The following PCDHA2 variants were observed in gnomAD, a reference collection of about 807,000 sequenced individuals.
The protein encoded by PCDHA2 is protocadherin alpha 2, also known as protocadherin alpha-2.
A neutral mutation model predicts 66.0 loss-of-function variants in PCDHA2; 58 were observed. That is an observed-to-expected ratio of 0.88 (90% CI 0.71 to 1.09). The LOEUF (loss-of-function observed/expected upper bound fraction) is 1.09, where lower values mean the gene tolerates loss of function less well. PCDHA2 is among the 50% of genes least tolerant of loss of function. The pLI, the probability that PCDHA2 is intolerant of heterozygous loss-of-function variation, is 0.00. For synonymous variants in PCDHA2, 634 were observed against 554.0 expected (o/e 1.14, Z -2.03); for missense variants, 1,267 against 1,242.3 (o/e 1.02, Z -0.30).
Position 140,796,805 on chromosome 5 carries a change from G to A in PCDHA2, c.1841G>A (p.Gly614Asp). 1 of 1,614,118 alleles carries A rather than the reference G, an allele frequency of 6.2e-7. No individual in the cohort carries two copies. Among genetic ancestry groups the A allele is most frequent in the Non-Finnish European group, 8.5e-7 (1 of 1,179,972 alleles). ...NAWLSYELQLGTGSARIPFRV... is the reference protein window; with the variant it reads ...NAWLSYELQLDTGSARIPFRV... ...TGGCTTTCGTACGAGCTTCAGCTGGGTACTGGCAGCGCTCGCATCCCGTTC... is the reference window on the plus strand; with the variant it reads ...TGGCTTTCGTACGAGCTTCAGCTGGATACTGGCAGCGCTCGCATCCCGTTC... The change falls in exon 1 of 4, where the codon GGT (glycine) becomes GAT (aspartate). Residue 614 changes from glycine (G) to aspartate (D), a missense_variant. Transcript: ENST00000526136.
intron 1 of PCDHA2, chr5:140,828,626 G>C (rs1292534909): frequency 2.5e-6 from 4 of 1,613,974 alleles, no homozygotes; most frequent in East Asian, 4.5e-5. Flanking sequence ...CGAATACTTC[G>C]GGCTAGATGT....
At chr5:140,971,603 C>T (rs1353988698) in intron 1 of PCDHA2, among the ~76,000 whole-genome samples, 1 of 152,072 alleles carries the variant, frequency 6.6e-6, no homozygotes, top group Non-Finnish European at 1.5e-5. Context: ...CTACAGATGG[C>T]AGGAGAGTCC....
At chr5:140,905,855 A>G (rs1297642648) in intron 1 of PCDHA2, among the ~76,000 whole-genome samples, 1 of 152,128 alleles carries the variant, frequency 6.6e-6, no homozygotes, top group East Asian at 1.9e-4. Context: ...AGGAGTATTA[A>G]CTCACACAAT....
At chr5:140,908,429 G>A (rs575934093) in intron 1 of PCDHA2, among the ~76,000 whole-genome samples, 1 of 152,280 alleles carries the variant, frequency 6.6e-6, no homozygotes, top group African/African-American at 2.4e-5. Flanking sequence ...ATGCTGCTGT[G>A]CGCACCCCAC....
At chr5:140,843,145 G>C in intron 1 of PCDHA2, 1 of 1,596,072 alleles carries the variant, frequency 6.3e-7, no homozygotes, top group South Asian at 1.1e-5. Context: ...CGTGGCTTTC[G>C]TATGAGCTGC....
At chr5:140,961,864 AG>A (rs2095638942) in intron 1 of PCDHA2, among the ~76,000 whole-genome samples, 3 of 151,832 alleles carry the variant, frequency 2.0e-5, no homozygotes, top group Non-Finnish European at 2.9e-5. Context: ...ATCTGGCCAC[AG>A]ATAATTGACT....
At chr5:140,924,263 G>T (rs1292368780) in intron 1 of PCDHA2, among the ~76,000 whole-genome samples, 3 of 152,148 alleles carry the variant, frequency 2.0e-5, no homozygotes, top group African/African-American at 7.2e-5. Context: ...ATCTAATGAG[G>T]TCTGTACTTG....
chr5:140,851,865 A>G, intron 1 of PCDHA2: 3 of 976,808 alleles, frequency 3.1e-6, no homozygotes, highest in Non-Finnish European at 3.7e-6. Context: ...CTCATACATA[A>G]CACAAGGCAG....
intron 1 of PCDHA2, among the ~76,000 whole-genome samples, chr5:140,911,719 G>C (rs1184939092): frequency 6.6e-6 from 1 of 151,412 alleles, no homozygotes; most frequent in African/African-American, 2.5e-5. Context: ...GTGTAACTCT[G>C]TAAACAGTTC....
At chr5:140,857,796 CG>C in intron 1 of PCDHA2, 1 of 1,597,494 alleles carries the variant, frequency 6.3e-7, no homozygotes, top group Non-Finnish European at 8.6e-7. Flanking sequence ...GTGCTGCGGT[CG>C]GTGGTTGCGG....
chr5:140,897,548 A>G (rs1417180451), intron 1 of PCDHA2, among the ~76,000 whole-genome samples: 6 of 152,098 alleles, frequency 3.9e-5, no homozygotes, highest in Admixed American at 2.6e-4. Context: ...ATAGTCTTCC[A>G]TGGTGTATAT....
At chr5:140,858,750 C>T (rs1397058081) in intron 1 of PCDHA2, 3 of 453,980 alleles carry the variant, frequency 6.6e-6, no homozygotes, top group South Asian at 3.1e-5. Flanking sequence ...AATCACTTTT[C>T]GTTACAAATA....
intron 1 of PCDHA2, among the ~76,000 whole-genome samples, chr5:140,912,641 G>C (rs2076009138): frequency 6.6e-6 from 1 of 152,128 alleles, no homozygotes; most frequent in African/African-American, 2.4e-5. Flanking sequence ...TCAGTACTAT[G>C]TTGAATAGAA....
intron 3 of PCDHA2, among the ~76,000 whole-genome samples, chr5:140,990,910 A>G (rs1460988111): frequency 1.3e-5 from 2 of 152,198 alleles, no homozygotes; most frequent in African/African-American, 2.4e-5. Context: ...GTCAAGTTTT[A>G]TAAGTCTTTA....
At chr5:140,834,579 G>A in intron 1 of PCDHA2, 1 of 1,614,068 alleles carries the variant, frequency 6.2e-7, no homozygotes, top group African/African-American at 1.3e-5. Flanking sequence ...CCTGTTCCGG[G>A]CGGTGTGCAA....
At chr5:140,886,288 A>G (rs1227734409) in intron 1 of PCDHA2, among the ~76,000 whole-genome samples, 4 of 151,870 alleles carry the variant, frequency 2.6e-5, no homozygotes, top group Middle Eastern at 3.2e-3. Flanking sequence ...AATTATTTTT[A>G]TATTTATTTA....
chr5:140,828,285 G>T lies in PCDHA2; in HGVS notation c.2388+30933G>T, dbSNP rs1200053101. ...GCGGAGCTGGTGCCGCGCCTGTTCA[G>T]GATGGCCTCCAAAGACCGCGAGGAC... On this transcript the variant is annotated intron_variant, in intron 1 of 3. Coordinates refer to ENST00000526136, the MANE Select transcript of PCDHA2 (RefSeq NM_018905.3). The T allele has an allele frequency of 1.2e-6, 2 of 1,614,124 alleles. No homozygotes were observed. The highest frequency in any genetic ancestry group is 1.7e-6 in the Non-Finnish European group (2 of 1,180,054).
rs140655975 is a variant in PCDHA2, at chr5:140,796,797, T to G, written c.1833T>G (p.Leu611=). Residue 611 remains leucine, a synonymous_variant, in exon 1 of 4, where the codon CTT becomes CTG. Coordinates refer to ENST00000526136, the MANE Select transcript of PCDHA2 (RefSeq NM_018905.3). ...SGYNAWLSYE[L]QLGTGSARIP... is the part of the protein sequence containing the mutation. ...ACAACGCGTGGCTTTCGTACGAGCT[T>G]CAGCTGGGTACTGGCAGCGCTCGCA... 319 of 1,614,086 alleles carry G rather than the reference T, an allele frequency of 2.0e-4. 1 individual carries two copies. The African/African-American group carries it at 3.7e-3, about 18-fold the overall frequency.
intron 1 of PCDHA2, chr5:140,804,911 A>C (rs550382378): frequency 1.1e-6 from 1 of 888,774 alleles, no homozygotes; most frequent in Non-Finnish European, 1.6e-6. Context: ...CATTTTCTTT[A>C]TTTCCTTTTT....
Sources: allele counts gnomAD v4.1 joint callset (sites outside exome capture counted in the v4.1 genomes callset), GRCh38; gene constraint gnomAD v4.1.1; transcripts MANE v1.5; gene names NCBI Gene and HGNC (gene_info 2026-07-23, HGNC 2026-07-21).